MARCHF11: variants seen among roughly 807,000 people sequenced by gnomAD.
MARCHF11 encodes the protein membrane associated ring-CH-type finger 11, also known as E3 ubiquitin-protein ligase MARCHF11.
In MARCHF11, 29 loss-of-function variants were observed where a neutral mutation model predicts 37.3. That is an observed-to-expected ratio of 0.78 (90% CI 0.58 to 1.06). The LOEUF (loss-of-function observed/expected upper bound fraction) is 1.06. Among genes scored for constraint, MARCHF11 ranks in the 50% least tolerant of loss-of-function variants. The pLI is 0.00. For synonymous variants in MARCHF11, 233 were observed against 228.0 expected (o/e 1.02, Z -0.20); for missense variants, 482 against 533.4 (o/e 0.90, Z 0.95).
chr5:16,071,536 T>G (rs1736437542), intron 3 of MARCHF11, among the ~76,000 whole-genome samples: 1 of 152,200 alleles, frequency 6.6e-6, no homozygotes, highest in Non-Finnish European at 1.5e-5. Flanking sequence ...TTTGAAGTAG[T>G]GTGTTACTTG....
chr5:16,179,201 G>A lies in MARCHF11; in HGVS notation c.375C>T (p.Gly125=). The A allele has an allele frequency of 1.5e-6, 2 of 1,341,000 alleles. No individual in the cohort carries two copies. Among genetic ancestry groups the A allele is most frequent in the African/African-American group, 1.5e-5 (1 of 64,952 alleles). 83.1% of individuals were successfully genotyped at this position (1,341,000 alleles called of 1,614,324 possible). A position where few individuals can be genotyped will look rare whatever the true frequency, so the allele number is the denominator to read the frequency against. ...AKGGPGESEA[G]AGGERERRGA... Reference sequence around the variant, plus strand: ...CCCGCCGCTCGCGCTCGCCGCCCGCGCCGGCCTCAGACTCCCCGGGGCCGC... The same window carrying A: ...CCCGCCGCTCGCGCTCGCCGCCCGCACCGGCCTCAGACTCCCCGGGGCCGC... The change falls in exon 1 of 4, where the codon GGC becomes GGT. Residue 125 remains glycine (G), a synonymous_variant. Transcript: ENST00000332432.
At chr5:16,085,967 A>ATAAAAAAAAAT (rs1736692358) in intron 3 of MARCHF11, among the ~76,000 whole-genome samples, 21 of 140,012 alleles carry the variant, frequency 1.5e-4, no homozygotes, top group Middle Eastern at 3.7e-3. Context: ...AAAAAAAAAA[A>ATAAAAAAAAAT]AAAAAAAAAA....
rs565158094 is a variant in MARCHF11 at position 16,084,589 on chromosome 5, G to A, written c.886+6300C>T. Among the ~76,000 whole-genome samples, 8 of 151,892 alleles carry A rather than the reference G, an allele frequency of 5.3e-5. No homozygotes were observed. The South Asian group carries it at 1.7e-3, about 32-fold the overall frequency. Reference sequence around the variant, plus strand: ...ACCCAGGAGATGGATGTTGCAGTGGGCCAAGACCACGCCACTGCAATCCAG... The same window carrying A: ...ACCCAGGAGATGGATGTTGCAGTGGACCAAGACCACGCCACTGCAATCCAG... On this transcript the variant is annotated intron_variant, in intron 3 of 3. Coordinates refer to ENST00000332432, the MANE Select transcript of MARCHF11 (RefSeq NM_001102562.3).
intron 2 of MARCHF11, among the ~76,000 whole-genome samples, chr5:16,160,922 G>A (rs1337422000): frequency 6.6e-6 from 1 of 151,966 alleles, no homozygotes; most frequent in Admixed American, 6.6e-5. Flanking sequence ...ACACTAGAGG[G>A]CAGAGTTGCA....
intron 2 of MARCHF11, among the ~76,000 whole-genome samples, chr5:16,154,218 C>T (rs1422576674): frequency 6.6e-6 from 1 of 151,956 alleles, no homozygotes; most frequent in Admixed American, 6.6e-5. Context: ...ACACGTCTAG[C>T]AAATCTGTTA....
At chr5:16,153,718 A>T (rs1432044919) in intron 2 of MARCHF11, among the ~76,000 whole-genome samples, 3 of 151,986 alleles carry the variant, frequency 2.0e-5, no homozygotes, top group African/African-American at 7.2e-5. Context: ...AAAACAAACA[A>T]CAAAATCCTA....
At chr5:16,097,983 C>T (rs1490053862) in intron 2 of MARCHF11, among the ~76,000 whole-genome samples, 1 of 152,112 alleles carries the variant, frequency 6.6e-6, no homozygotes, top group Non-Finnish European at 1.5e-5. Context: ...ATAAAAACAA[C>T]AGTGCAGCAT....
At chr5:16,129,045 C>T (rs1737467836) in intron 2 of MARCHF11, 1 of 152,140 alleles carries the variant, frequency 6.6e-6, no homozygotes, top group South Asian at 2.1e-4. Context: ...CCCACTAACC[C>T]TTGATTAGTG....
chr5:16,176,799 C>T (rs965834112), intron 2 of MARCHF11, among the ~76,000 whole-genome samples: 22 of 152,060 alleles, frequency 1.4e-4, no homozygotes, highest in African/African-American at 5.1e-4. Flanking sequence ...ACAAGGAACA[C>T]GAGAATTTAT....
intron 3 of MARCHF11, among the ~76,000 whole-genome samples, chr5:16,078,175 G>A (rs1446127358): frequency 6.6e-6 from 1 of 152,172 alleles, no homozygotes; most frequent in Non-Finnish European, 1.5e-5. Flanking sequence ...ACAGGCTGTG[G>A]AGTGACAGGG....
At chr5:16,178,311 A>G (rs1408152971) in intron 1 of MARCHF11, among the ~76,000 whole-genome samples, 2 of 152,182 alleles carry the variant, frequency 1.3e-5, no homozygotes, top group East Asian at 3.8e-4. Flanking sequence ...GTCTTAGGGC[A>G]CTATATTCCT....
At chr5:16,076,226 A>G (rs1177650174) in intron 3 of MARCHF11, among the ~76,000 whole-genome samples, 2 of 152,230 alleles carry the variant, frequency 1.3e-5, no homozygotes, top group Non-Finnish European at 2.9e-5. Context: ...CTACTGGCAC[A>G]TTCAAAGAAT....
At chr5:16,100,500 C>A (rs574897783) in intron 2 of MARCHF11, among the ~76,000 whole-genome samples, 1 of 152,286 alleles carries the variant, frequency 6.6e-6, no homozygotes, top group African/African-American at 2.4e-5. Flanking sequence ...AAGTGAGAAT[C>A]ACGACCAGTA....
intron 2 of MARCHF11, among the ~76,000 whole-genome samples, chr5:16,136,694 T>C (rs1737616218): frequency 6.6e-6 from 1 of 152,234 alleles, no homozygotes; most frequent in South Asian, 2.1e-4. Flanking sequence ...ACTCATCTTT[T>C]ATAGCCAATG....
intron 2 of MARCHF11, among the ~76,000 whole-genome samples, chr5:16,118,323 C>T (rs1737254671): frequency 6.6e-6 from 1 of 152,164 alleles, no homozygotes; most frequent in Admixed American, 6.6e-5. Flanking sequence ...GTGATGTCTC[C>T]TTCACTGCTG....
rs1446698209 is a variant in MARCHF11, at chr5:16,179,212, A to T, written c.364T>A (p.Ser122Thr). ...CGCTCGCCGCCCGCGCCGGCCTCAG[A>T]CTCCCCGGGGCCGCCTTTCGCTGCT... is the stretch of plus-strand genomic sequence containing the variant. ...AAAAKGGPGE[S>T]EAGAGGERER... The change falls in exon 1 of 4, where the codon TCT (serine) becomes ACT (threonine). Residue 122 changes from serine to threonine, a missense_variant. Transcript: ENST00000332432. The T allele has an allele frequency of 1.5e-6, 2 of 1,343,670 alleles. No homozygotes were observed. The highest frequency in any genetic ancestry group is 3.7e-5 in the South Asian group (2 of 53,662). The allele number at this position is 1,343,670 out of a possible 1,614,324, so 83.2% of individuals were successfully genotyped here.
In MARCHF11 at chr5:16,090,439, T is replaced by C. The variant is rs16868101; in HGVS notation, c.886+450A>G. Among the ~76,000 whole-genome samples the C allele has an allele frequency of 8.8e-3, 1,347 of 152,270 alleles. 16 individuals carry two copies. The highest frequency in any genetic ancestry group is 0.031 in the African/African-American group (1,273 of 41,550). ...CTTCCAAGGGGTCCCTTTCTGCCCT[T>C]AGAGAATCTGCACAGTCATCATGAT... On this transcript the variant is annotated intron_variant, in intron 3 of 3. Coordinates refer to ENST00000332432, the MANE Select transcript of MARCHF11 (RefSeq NM_001102562.3).
At chr5:16,135,484 T>A (rs1281790001) in intron 2 of MARCHF11, among the ~76,000 whole-genome samples, 4 of 152,178 alleles carry the variant, frequency 2.6e-5, no homozygotes, top group African/African-American at 9.7e-5. Flanking sequence ...CTATTGGCCA[T>A]CTACAGTCTC....
intron 2 of MARCHF11, among the ~76,000 whole-genome samples, chr5:16,096,013 C>T (rs1419549266): frequency 3.9e-5 from 6 of 152,192 alleles, no homozygotes; most frequent in Admixed American, 3.9e-4. Context: ...CCACTCTGGC[C>T]AAGCCACCAG....
Sources: allele counts gnomAD v4.1 joint callset (sites outside exome capture counted in the v4.1 genomes callset), GRCh38; gene constraint gnomAD v4.1.1; transcripts MANE v1.5; gene names NCBI Gene and HGNC (gene_info 2026-07-23, HGNC 2026-07-21).